NCAPD3: variants seen among roughly 807,000 people sequenced by gnomAD.
The protein encoded by NCAPD3 is non-SMC condensin II complex subunit D3, also known as condensin-2 complex subunit D3.
NCAPD3 carries 105 observed loss-of-function variants against 182.9 expected under a neutral mutation model. The ratio of observed to expected loss-of-function variants is 0.57; its 90% CI spans 0.49 to 0.68. The LOEUF is 0.68. Among genes scored for constraint, NCAPD3 ranks in the 30% least tolerant of loss-of-function variants. The pLI is 0.00. For synonymous variants in NCAPD3, 815 were observed against 679.9 expected (o/e 1.20, Z -3.09); for missense variants, 1,944 against 1,837.0 (o/e 1.06, Z -1.07).
chr11:134,188,867 C>T (rs543453593), intron 16 of NCAPD3, among the ~76,000 whole-genome samples: 18 of 152,238 alleles, frequency 1.2e-4, no homozygotes, highest in Admixed American at 3.3e-4. Flanking sequence ...AGAAGAAATG[C>T]GGACACAGAA....
chr11:134,203,061 G>C, intron 12 of NCAPD3, 81 bp downstream of exon 12: 1 of 1,230,504 alleles, frequency 8.1e-7, no homozygotes, highest in Middle Eastern at 2.2e-4. Flanking sequence ...GGTAAATAAG[G>C]AGGTAAGAAA....
At chr11:134,165,049 A>G (rs752311388) in intron 27 of NCAPD3, among the ~76,000 whole-genome samples, 11 of 138,240 alleles carry the variant, frequency 8.0e-5, no homozygotes, top group Non-Finnish European at 7.7e-5. Flanking sequence ...AGCTGCACAC[A>G]CTTAGATTAG....
At chr11:134,205,421 C>T (rs930473356) in intron 8 of NCAPD3, among the ~76,000 whole-genome samples, 2 of 151,064 alleles carry the variant, frequency 1.3e-5, no homozygotes, top group African/African-American at 4.9e-5. Flanking sequence ...GCTCTTGTCG[C>T]TCAGGCTGGA....
chr11:134,167,939 TAGG>T (rs998629216), intron 27 of NCAPD3, 54 bp downstream of exon 27: 1 of 1,528,490 alleles, frequency 6.5e-7, no homozygotes, highest in Non-Finnish European at 9.0e-7. Context: ...GAGATGAGCT[TAGG>T]GGAGCAGCAC....
At chr11:134,224,097 A>C (rs924834113), upstream of NCAPD3, 6 of 778,002 alleles carry the variant, frequency 7.7e-6, no homozygotes, top group Non-Finnish European at 1.2e-5. Context: ...CGTCCGCCGC[A>C]CGCTCAGAGA....
rs1943223242 is a variant in NCAPD3, at chr11:134,151,230, T to A, written c.*1714A>T. 6.6e-6 allele frequency: 1 copy of A among 152,264 alleles called. No individual in the cohort carries two copies. Among genetic ancestry groups the A allele is most frequent in the Non-Finnish European group, 1.5e-5 (1 of 68,058 alleles). The allele number at this position is 152,264 out of a possible 1,614,324, so 9.4% of individuals were successfully genotyped here. On this transcript the variant is annotated 3_prime_UTR_variant, in exon 35 of 35. Coordinates refer to ENST00000534548, the MANE Select transcript of NCAPD3 (RefSeq NM_015261.3). ...ATACATGAGACTGTGTTGACTTTTTTTAGTTATGTGAAACACTTTGCCGCA... is the reference window on the plus strand; with the variant it reads ...ATACATGAGACTGTGTTGACTTTTTATAGTTATGTGAAACACTTTGCCGCA...
intron 28 of NCAPD3, 85 bp from the exon 29 acceptor site, chr11:134,160,159 G>T (rs1452426148): frequency 1.9e-5 from 27 of 1,397,172 alleles, no homozygotes; most frequent in Non-Finnish European, 2.5e-5. Flanking sequence ...CTTCGCCTGT[G>T]TAACAAACCT....
intron 19 of NCAPD3, among the ~76,000 whole-genome samples, chr11:134,181,936 G>C (rs148058697): frequency 6.6e-6 from 1 of 152,280 alleles, no homozygotes; most frequent in East Asian, 1.9e-4. Context: ...GAAGGGACCT[G>C]TGTTAACCAT....
intron 16 of NCAPD3, among the ~76,000 whole-genome samples, chr11:134,187,312 T>C (rs745596572): frequency 2.6e-5 from 4 of 152,224 alleles, no homozygotes; most frequent in Non-Finnish European, 4.4e-5. Flanking sequence ...TAATAACTAA[T>C]TGCTGATTTG....
Position 134,216,969 on chromosome 11 carries a change from C to T in NCAPD3, c.349G>A (p.Ala117Thr), listed in dbSNP as rs755095327. Residue 117 changes from alanine (A) to threonine (T), a missense_variant, in exon 3 of 35, where the codon GCT becomes ACT. Transcript: ENST00000534548. Reference protein sequence around the residue: ...VQYREYGLHAAGLYFLLLEVP... With the variant: ...VQYREYGLHATGLYFLLLEVP... Reference sequence around the variant, plus strand: ...TCTAGTAGCAAAAAGTAAAGCCCAGCGGCATGAAGGCCATATTCTCGATAC... The same window carrying T: ...TCTAGTAGCAAAAAGTAAAGCCCAGTGGCATGAAGGCCATATTCTCGATAC... 1.9e-6 allele frequency: 3 copies of T among 1,612,926 alleles called. No individual in the cohort carries two copies. Among genetic ancestry groups the T allele is most frequent in the Non-Finnish European group, 2.5e-6 (3 of 1,179,682 alleles).
chr11:134,152,682 C>A lies in NCAPD3; in HGVS notation c.*262G>T. Reference sequence around the variant, plus strand: ...CTTATCTGAATGGGCTTGACACTTTCAAATGGAATAAAGTTACAATATTAA... The same window carrying A: ...CTTATCTGAATGGGCTTGACACTTTAAAATGGAATAAAGTTACAATATTAA... On this transcript the variant is annotated 3_prime_UTR_variant, in exon 35 of 35. Coordinates refer to ENST00000534548, the MANE Select transcript of NCAPD3 (RefSeq NM_015261.3). 2.8e-6 allele frequency: 1 copy of A among 352,132 alleles called. No homozygotes were observed. The highest frequency in any genetic ancestry group is 5.1e-6 in the Non-Finnish European group (1 of 196,572). The allele number at this position is 352,132 out of a possible 1,614,324, so 21.8% of individuals were successfully genotyped here.
intron 7 of NCAPD3, among the ~76,000 whole-genome samples, chr11:134,208,574 C>T (rs1937706087): frequency 6.6e-6 from 1 of 152,170 alleles, no homozygotes; most frequent in Admixed American, 6.5e-5. Flanking sequence ...AGTAACTGTT[C>T]AGCAGTTTAT....
intron 3 of NCAPD3, among the ~76,000 whole-genome samples, chr11:134,213,422 C>T (rs1193002761): frequency 6.6e-6 from 1 of 151,646 alleles, no homozygotes; most frequent in Non-Finnish European, 1.5e-5. Context: ...TGGGTTCAAG[C>T]GATTCTCCTG....
At chr11:134,197,251 G>A (rs1405171373) in intron 13 of NCAPD3, among the ~76,000 whole-genome samples, 1 of 147,036 alleles carries the variant, frequency 6.8e-6, no homozygotes, top group Non-Finnish European at 1.5e-5. Flanking sequence ...TCTCTTTTCT[G>A]ATAAATTACC....
chr11:134,223,194 T>C (rs1259982994), intron 1 of NCAPD3: 13 of 545,764 alleles, frequency 2.4e-5, no homozygotes, highest in African/African-American at 7.6e-5. Flanking sequence ...TTTTCAAAAG[T>C]CGTTCTGCAA....
rs944652356 is a variant in NCAPD3 at position 134,150,501 on chromosome 11, G to C, written c.*2443C>G. 6.6e-6 allele frequency: 1 copy of C among 152,204 alleles called. No homozygotes were observed. Among genetic ancestry groups the C allele is most frequent in the Non-Finnish European group, 1.5e-5 (1 of 68,024 alleles). 9.4% of individuals were successfully genotyped at this position (152,204 alleles called of 1,614,324 possible). On this transcript the variant is annotated 3_prime_UTR_variant, in exon 35 of 35. Transcript: ENST00000534548. ...TGTCCCAGTGAGCTTTACTCACGTGGCCCTTGCTTCATCCAGCACAGCTCT... is the reference window on the plus strand; with the variant it reads ...TGTCCCAGTGAGCTTTACTCACGTGCCCCTTGCTTCATCCAGCACAGCTCT...
chr11:134,210,589 T>C (rs1937796881), intron 3 of NCAPD3, 135 bp from the exon 4 acceptor site: 1 of 771,090 alleles, frequency 1.3e-6, no homozygotes. Context: ...GTAGCAAGAG[T>C]ACCATTTGCA....
rs768570115 is a variant in NCAPD3, at chr11:134,203,213, AAAGAT to A, written c.1469-20_1469-16del. The A allele has an allele frequency of 1.3e-6, 2 of 1,566,120 alleles. No homozygotes were observed. Among genetic ancestry groups the A allele is most frequent in the Admixed American group, 1.7e-5 (1 of 59,594 alleles). On this transcript the variant is annotated splice_polypyrimidine_tract_variant and intron_variant, in intron 11 of 34. Coordinates refer to ENST00000534548, the MANE Select transcript of NCAPD3 (RefSeq NM_015261.3). ...AAACGTAGGACCTAAAAACAAGAAG[AAAGAT>A]AAGAAGGAAGAAGTCAGTATCATAA...
In NCAPD3 at chr11:134,206,736, G is replaced by A; in HGVS notation, c.883-4C>T. On this transcript the variant is annotated splice_region_variant and splice_polypyrimidine_tract_variant and intron_variant, in intron 7 of 34. Coordinates refer to ENST00000534548, the MANE Select transcript of NCAPD3 (RefSeq NM_015261.3). ...GATGGAAAACACAACTGATGACCTA[G>A]AAGAGAAAAGAAAATTCAATTTAAG... The A allele has an allele frequency of 6.3e-7, 1 of 1,598,426 alleles. No individual in the cohort carries two copies. The highest frequency in any genetic ancestry group is 1.1e-5 in the South Asian group (1 of 88,562).
Sources: allele counts gnomAD v4.1 joint callset (sites outside exome capture counted in the v4.1 genomes callset), GRCh38; gene constraint gnomAD v4.1.1; transcripts MANE v1.5; gene names NCBI Gene and HGNC (gene_info 2026-07-23, HGNC 2026-07-21).